LTBP1: variants seen among roughly 807,000 people sequenced by gnomAD.
LTBP1 encodes latent-transforming growth factor beta-binding protein 1.
In LTBP1, 129 loss-of-function variants were observed where a neutral mutation model predicts 207.6. The observed-to-expected ratio is 0.62, with a 90% CI of 0.54 to 0.72. The LOEUF (loss-of-function observed/expected upper bound fraction) is 0.72. Ranked by LOEUF, LTBP1 falls within the 30% of genes least tolerant of loss-of-function variation. The pLI is 0.00. For missense variants in LTBP1, 2,281 were observed against 2,217.2 expected (o/e 1.03, Z -0.58); for synonymous variants, 963 against 833.7 (o/e 1.16, Z -2.67).
chr2:33,019,106 T>A (rs1688794810), intron 2 of LTBP1, among the ~76,000 whole-genome samples: 1 of 152,156 alleles, frequency 6.6e-6, no homozygotes, highest in African/African-American at 2.4e-5. Context: ...GTTTTGCTTG[T>A]CTATTTTGTA....
intron 3 of LTBP1, among the ~76,000 whole-genome samples, chr2:33,066,598 T>G (rs1003679540): frequency 1.3e-5 from 2 of 152,224 alleles, no homozygotes; most frequent in Non-Finnish European, 2.9e-5. Flanking sequence ...TATTATGTAA[T>G]GAGACTGTAA....
At chr2:33,031,104 T>TA (rs2149318074) in intron 3 of LTBP1, among the ~76,000 whole-genome samples, 1 of 152,292 alleles carries the variant, frequency 6.6e-6, no homozygotes, top group Admixed American at 6.5e-5. Flanking sequence ...TGGTTTTTTT[T>TA]ATGCTCAAAT....
At chr2:33,173,353 A>G (rs969705555) in intron 5 of LTBP1, among the ~76,000 whole-genome samples, 2 of 152,084 alleles carry the variant, frequency 1.3e-5, no homozygotes, top group African/African-American at 4.8e-5. Flanking sequence ...AATACAAACT[A>G]CCATCAGAGA....
chr2:33,008,648 A>C (rs4952279), intron 2 of LTBP1, among the ~76,000 whole-genome samples: 25,227 of 152,258 alleles, frequency 0.17, 2,305 homozygotes, highest in East Asian at 0.28. Flanking sequence ...GGGCAAAAGC[A>C]GCAACTAAAA....
Position 32,947,291 on chromosome 2 carries a change from C to CGCGCCGGACA in LTBP1, c.-30_-29insCGGACAGCGC. 8.3e-7 allele frequency: 1 copy of CGCGCCGGACA among 1,209,886 alleles called. No homozygotes were observed. The allele number at this position is 1,209,886 out of a possible 1,614,324, so 74.9% of individuals were successfully genotyped here. A position where few individuals can be genotyped will look rare whatever the true frequency, so the allele number is the denominator to read the frequency against. Reference sequence around the variant, plus strand: ...GCACGGCCGGGGGAGGGGGCCGGACCGCGCGCGACCGGTCGCGCCCGCTGG... The same window carrying CGCGCCGGACA: ...GCACGGCCGGGGGAGGGGGCCGGACCGCGCCGGACAGCGCGCGACCGGTCGCGCCCGCTGG... On this transcript the variant is annotated 5_prime_UTR_variant, in exon 1 of 34. Transcript: ENST00000404816.
intron 2 of LTBP1, among the ~76,000 whole-genome samples, chr2:32,977,026 G>A (rs1681900743): frequency 6.6e-6 from 1 of 152,222 alleles, no homozygotes; most frequent in Non-Finnish European, 1.5e-5. Flanking sequence ...ACCAGTGGTG[G>A]AGGTGGGTGG....
At chr2:32,970,348 G>A (rs1207760282) in intron 2 of LTBP1, among the ~76,000 whole-genome samples, 3 of 151,960 alleles carry the variant, frequency 2.0e-5, no homozygotes, top group Admixed American at 6.6e-5. Context: ...CAGGGCCTAT[G>A]TTATCTTTCA....
intron 2 of LTBP1, among the ~76,000 whole-genome samples, chr2:33,007,656 C>G (rs1043880063): frequency 1.3e-5 from 2 of 152,134 alleles, no homozygotes; most frequent in African/African-American, 4.8e-5. Context: ...ATGTAGAATT[C>G]CAATAGTAGA....
At chr2:33,075,189 T>C (rs1413482145) in intron 3 of LTBP1, among the ~76,000 whole-genome samples, 3 of 152,214 alleles carry the variant, frequency 2.0e-5, no homozygotes, top group Non-Finnish European at 2.9e-5. Flanking sequence ...CACCTGTAAT[T>C]CTAGCTCCTC....
At chr2:33,061,779 G>A (rs1248929138) in intron 3 of LTBP1, among the ~76,000 whole-genome samples, 1 of 152,158 alleles carries the variant, frequency 6.6e-6, no homozygotes, top group Admixed American at 6.5e-5. Context: ...ATTCTTGTGA[G>A]TTTTCCTGTG....
intron 2 of LTBP1, among the ~76,000 whole-genome samples, chr2:32,959,370 A>G (rs1266540382): frequency 6.6e-6 from 1 of 152,010 alleles, no homozygotes; most frequent in African/African-American, 2.4e-5. Context: ...AGGAGATAGC[A>G]TGCTACCAGT....
intron 7 of LTBP1, among the ~76,000 whole-genome samples, chr2:33,209,041 G>T (rs975261910): frequency 1.3e-5 from 2 of 151,590 alleles, no homozygotes; most frequent in South Asian, 2.1e-4. Context: ...CTATTTTTTT[G>T]TGTGTGTTTT....
intron 5 of LTBP1, among the ~76,000 whole-genome samples, chr2:33,171,734 C>A (rs375183589): frequency 0.05 from 7,618 of 151,132 alleles, 219 homozygotes; most frequent in Middle Eastern, 0.15. Context: ...AATGAAGGAA[C>A]AAATGTTAAG....
intron 26 of LTBP1, among the ~76,000 whole-genome samples, chr2:33,353,242 G>T (rs2094807258): frequency 6.6e-6 from 1 of 152,136 alleles, no homozygotes; most frequent in African/African-American, 2.4e-5. Context: ...TCCTTCCAAA[G>T]TTCTGGGATT....
In LTBP1 at chr2:33,283,696, A is replaced by T. The variant is rs529308009; in HGVS notation, c.3112+3538A>T. Among the ~76,000 whole-genome samples the T allele has an allele frequency of 2.0e-3, 297 of 152,232 alleles. 1 individual carries two copies. The highest frequency in any genetic ancestry group is 3.8e-3 in the Admixed American group (58 of 15,300). On this transcript the variant is annotated intron_variant, in intron 19 of 33. Transcript: ENST00000404816. ...CGTGATCCACCCGCCTCGGCCTCCC[A>T]AAGTGCTGGGATTACAGGCGTGAGC...
chr2:33,370,342 T>C (rs931837440), intron 31 of LTBP1, among the ~76,000 whole-genome samples: 5 of 152,214 alleles, frequency 3.3e-5, no homozygotes, highest in African/African-American at 1.2e-4. Flanking sequence ...AAGACTGTCT[T>C]TTCTAGACCA....
intron 24 of LTBP1, among the ~76,000 whole-genome samples, chr2:33,315,756 G>A (rs1471391277): frequency 1.3e-5 from 2 of 152,126 alleles, no homozygotes; most frequent in African/African-American, 4.8e-5. Flanking sequence ...GGCCAACATG[G>A]TGAAACCTCA....
At chr2:33,254,820 T>C (rs2092790589) in intron 11 of LTBP1, among the ~76,000 whole-genome samples, 1 of 104,560 alleles carries the variant, frequency 9.6e-6, no homozygotes, top group Non-Finnish European at 1.8e-5. Context: ...ATTGTTCAAT[T>C]CCCACCTATG....
chr2:33,034,006 G>A (rs911199166), intron 3 of LTBP1, among the ~76,000 whole-genome samples: 1 of 152,130 alleles, frequency 6.6e-6, no homozygotes, highest in Non-Finnish European at 1.5e-5. Flanking sequence ...GCTCCCTGGG[G>A]GACAGGAGAG....
Sources: gnomAD v4.1 joint callset for allele counts (sites outside exome capture counted in the v4.1 genomes callset) on GRCh38, gnomAD v4.1.1 for gene constraint, MANE v1.5 for transcripts, NCBI Gene and HGNC (gene_info 2026-07-23, HGNC 2026-07-21) for gene names.